The following TMEM94 variants were observed in gnomAD, a reference collection of about 807,000 sequenced individuals.
TMEM94 encodes the protein transmembrane protein 94.
TMEM94 carries 81 observed loss-of-function variants against 158.6 expected under a neutral mutation model. That is an observed-to-expected ratio of 0.51 (90% CI 0.43 to 0.61). The LOEUF (loss-of-function observed/expected upper bound fraction) is 0.61. TMEM94 is among the 20% of genes least tolerant of loss of function. The probability of loss-of-function intolerance (pLI) is 0.00; values close to 1 mark genes in which losing one functional copy is unlikely to be tolerated. For missense variants in TMEM94, 1,435 were observed against 1,762.0 expected (o/e 0.81, Z 3.32); for synonymous variants, 751 against 730.7 (o/e 1.03, Z -0.45).
chr17:75,457,609 T>C (rs1764728775), intron 1 of TMEM94: 1 of 152,370 alleles, frequency 6.6e-6, no homozygotes, highest in East Asian at 1.9e-4. Context: ...GTTTTCCTTC[T>C]GCTATGTGGG....
intron 16 of TMEM94, 104 bp from the exon 17 acceptor site, chr17:75,493,387 C>G: frequency 8.5e-7 from 1 of 1,175,964 alleles, no homozygotes; most frequent in South Asian, 1.3e-5. Context: ...CCTCCTCTGG[C>G]AGGGGCTCCT....
At chr17:75,494,022 A>G in intron 18 of TMEM94, 106 bp downstream of exon 18, 1 of 1,089,320 alleles carries the variant, frequency 9.2e-7, no homozygotes, top group Non-Finnish European at 1.3e-6. Flanking sequence ...CCCCACAGCA[A>G]AGGGGGCAGT....
Position 75,497,778 on chromosome 17 carries a change from C to T in TMEM94, c.3408-3C>T, listed in dbSNP as rs1050953689. ...ATCCCTCTACCTGATCTCTGCTTTT[C>T]AGCATCTCTCTGCTGGGGAAGCCCC... On this transcript the variant is annotated splice_polypyrimidine_tract_variant and splice_region_variant and intron_variant, in intron 26 of 31. Coordinates refer to ENST00000314256, the MANE Select transcript of TMEM94 (RefSeq NM_014738.6). The T allele has an allele frequency of 6.2e-7, 1 of 1,612,642 alleles. No individual in the cohort carries two copies. The highest frequency in any genetic ancestry group is 8.5e-7 in the Non-Finnish European group (1 of 1,178,678).
rs367779080 is a variant in TMEM94 at position 75,498,353 on chromosome 17, C to T, written c.3638+30C>T. 2.7e-5 allele frequency: 43 copies of T among 1,612,476 alleles called. No individual in the cohort carries two copies. In the East Asian group the frequency reaches 2.9e-4, roughly 11 times the overall value. ...GTCCCAGCCCCAGAGATCCACCCAT[C>T]GCCTGCCTCGCCTCGAGGCTTCCTC... On this transcript the variant is annotated intron_variant, in intron 28 of 31. Coordinates refer to ENST00000314256, the MANE Select transcript of TMEM94 (RefSeq NM_014738.6). The surrounding 1 kb of genome is among the most constrained non-coding windows in gnomAD (Gnocchi z 6.7).
chr17:75,489,571 A>G lies in TMEM94; in HGVS notation c.868-5A>G. ...TCAAGGCTGTGCCTCTGCTGTTCCCAACAGGCCGGCTTCCTCATCACCAAT... is the reference window on the plus strand; with the variant it reads ...TCAAGGCTGTGCCTCTGCTGTTCCCGACAGGCCGGCTTCCTCATCACCAAT... On this transcript the variant is annotated splice_region_variant and splice_polypyrimidine_tract_variant and intron_variant, in intron 8 of 31. Coordinates refer to ENST00000314256, the MANE Select transcript of TMEM94 (RefSeq NM_014738.6). This position sits in a 1 kb window ranked among gnomAD's most constrained non-coding sequence, Gnocchi z 5.0. 1 of 1,613,814 alleles carries G rather than the reference A, an allele frequency of 6.2e-7. No homozygotes were observed. The highest frequency in any genetic ancestry group is 8.5e-7 in the Non-Finnish European group (1 of 1,179,812).
chr17:75,464,597 TCTTTCTTTCCTTC>T (rs143838444), intron 1 of TMEM94, among the ~76,000 whole-genome samples: 34,517 of 79,290 alleles, frequency 0.44, 9,147 homozygotes, highest in Non-Finnish European at 0.6. Context: ...TTTCTTTCTT[TCTTTCTTTCCTTC>T]CTTTCTTTCT....
At chr17:75,469,986 T>A (rs1013879935) in intron 1 of TMEM94, among the ~76,000 whole-genome samples, 4 of 151,434 alleles carry the variant, frequency 2.6e-5, no homozygotes, top group Non-Finnish European at 1.5e-5. Context: ...GGCAGGAGAA[T>A]CGCTTGAACC....
At chr17:75,466,820 T>C (rs2050322413) in intron 1 of TMEM94, among the ~76,000 whole-genome samples, 1 of 151,866 alleles carries the variant, frequency 6.6e-6, no homozygotes, top group Non-Finnish European at 1.5e-5. Context: ...AAAAAAAAAT[T>C]GTATTAAATC....
intron 16 of TMEM94, 53 bp downstream of exon 16, chr17:75,493,155 AG>A (rs1394302066): frequency 2.5e-6 from 4 of 1,571,920 alleles, no homozygotes; most frequent in Admixed American, 1.7e-5. Flanking sequence ...AGAGCTTGGC[AG>A]GGGGGCTCTG....
Position 75,485,957 on chromosome 17 carries a change from G to A in TMEM94, c.231G>A (p.Val77=). 1 of 1,602,488 alleles carries A rather than the reference G, an allele frequency of 6.2e-7. No homozygotes were observed. The highest frequency in any genetic ancestry group is 1.3e-5 in the African/African-American group (1 of 74,812). Residue 77 remains valine (V), a synonymous_variant, in exon 4 of 32, where the codon GTG becomes GTA. Transcript: ENST00000314256. The surrounding 1 kb of genome is among the most constrained non-coding windows in gnomAD (Gnocchi z 5.5). ...WPGASLMLLA[V]LLLLGCCGGQ... ...GGGCCTCACTCATGCTACTGGCCGT[G>A]CTGCTGCTGCTGGGCTGCTGCGGGG...
Position 75,489,211 on chromosome 17 carries a change from G to C in TMEM94, c.765-55G>C. 1 of 1,522,830 alleles carries C rather than the reference G, an allele frequency of 6.6e-7. No individual in the cohort carries two copies. The highest frequency in any genetic ancestry group is 9.1e-7 in the Non-Finnish European group (1 of 1,097,560). 94.3% of individuals were successfully genotyped at this position (1,522,830 alleles called of 1,614,324 possible). A position where few individuals can be genotyped will look rare whatever the true frequency, so the allele number is the denominator to read the frequency against. On this transcript the variant is annotated intron_variant, in intron 7 of 31. Transcript: ENST00000314256. This position sits in a 1 kb window ranked among gnomAD's most constrained non-coding sequence, Gnocchi z 5.0. ...CAGAGAGGCCCAGAATCCTCCCAAG[G>C]TGTAGGTTTCTAGCCTCTCTGCCAA...
At chr17:75,490,954 T>G (rs532522680) in intron 11 of TMEM94, 95 bp from the exon 12 acceptor site, 3 of 1,093,238 alleles carry the variant, frequency 2.7e-6, no homozygotes, top group Admixed American at 4.4e-5. Context: ...CCACCCCAAC[T>G]TCGTGGTGCT....
At chr17:75,458,104 T>G (rs181256095) in intron 1 of TMEM94, among the ~76,000 whole-genome samples, 27 of 152,256 alleles carry the variant, frequency 1.8e-4, no homozygotes, top group African/African-American at 5.3e-4. Flanking sequence ...ATTATTTTAG[T>G]GATTCTCAGG....
Position 75,491,436 on chromosome 17 carries a change from G to A in TMEM94, c.1367G>A (p.Arg456His), listed in dbSNP as rs563549767. ...HEDLTDGLST[R>H]SFCHPEPHER... is the part of the protein sequence containing the mutation. ...GACCTCACCGATGGCCTATCCACCC[G>A]CTCCTTCTGCCATCCCGAGGTAGAG... The change falls in exon 13 of 32, where the codon CGC becomes CAC. Residue 456 changes from arginine to histidine, a missense_variant. Physicochemically the swap from Arg to His is conservative, Grantham distance 29 (BLOSUM62 0). Transcript: ENST00000314256. This position sits in a 1 kb window ranked among gnomAD's most constrained non-coding sequence, Gnocchi z 5.1. The A allele has an allele frequency of 3.0e-5, 48 of 1,614,098 alleles. 1 individual carries two copies. Among genetic ancestry groups the A allele is most frequent in the South Asian group, 2.5e-4 (23 of 91,084 alleles).
chr17:75,493,287 C>CG (rs2052381216), intron 16 of TMEM94, 185 bp downstream of exon 16: 2 of 838,914 alleles, frequency 2.4e-6, no homozygotes, highest in Non-Finnish European at 3.7e-6. Context: ...CTGCAGAGGC[C>CG]GGGATTGTCC....
rs2051499456 is a variant in TMEM94 at position 75,485,327 on chromosome 17, A to AG, written c.25-97dup. The AG allele has an allele frequency of 7.4e-7, 1 of 1,353,096 alleles. No homozygotes were observed. The highest frequency in any genetic ancestry group is 1.3e-5 in the South Asian group (1 of 76,994). 83.8% of individuals were successfully genotyped at this position (1,353,096 alleles called of 1,614,324 possible). A position where few individuals can be genotyped will look rare whatever the true frequency, so the allele number is the denominator to read the frequency against. ...GGAAGAGATGTGAGGATCCCAGAGG[A>AG]GGGGAAGGATGAAGGGCCAGGGAAG... is the stretch of plus-strand genomic sequence containing the variant. On this transcript the variant is annotated intron_variant, in intron 2 of 31. Transcript: ENST00000314256. The surrounding 1 kb of genome is among the most constrained non-coding windows in gnomAD (Gnocchi z 5.5).
intron 2 of TMEM94, among the ~76,000 whole-genome samples, chr17:75,483,372 G>A (rs2146496858): frequency 6.6e-6 from 1 of 152,158 alleles, no homozygotes; most frequent in Middle Eastern, 3.4e-3. Context: ...GGTCAAGAAT[G>A]TTCTAGAGGT....
Position 75,496,010 on chromosome 17 carries a change from AC to A in TMEM94, c.2991del (p.Cys998AlafsTer68). On this transcript the variant is annotated frameshift_variant, in exon 23 of 32. Transcript: ENST00000314256. LOFTEE classifies it high-confidence loss of function. Reference sequence around the variant, plus strand: ...GATCATGCAAGAGTACGGGGAGGTGACCTGCTGCCTGGGCAGCTCTGCCAAC... The same window carrying A: ...GATCATGCAAGAGTACGGGGAGGTGACTGCTGCCTGGGCAGCTCTGCCAAC... Reference protein sequence around the residue: ...IKIMQEYGEVTCCLGSSANLR... With the variant: ...IKIMQEYGEVXCCLGSSANLR... 6.2e-7 allele frequency: 1 copy of A among 1,613,476 alleles called. No homozygotes were observed. Among genetic ancestry groups the A allele is most frequent in the Non-Finnish European group, 8.5e-7 (1 of 1,179,964 alleles).
At chr17:75,493,284 G>A in intron 16 of TMEM94, 182 bp downstream of exon 16, 1 of 844,156 alleles carries the variant, frequency 1.2e-6, no homozygotes, top group Non-Finnish European at 1.8e-6. Flanking sequence ...TGGCTGCAGA[G>A]GCCGGGATTG....
Sources: gnomAD v4.1 joint callset for allele counts (sites outside exome capture counted in the v4.1 genomes callset) on GRCh38, gnomAD v4.1.1 for gene constraint, Gnocchi (gnomAD v3.1) non-coding constraint, MANE v1.5 for transcripts, NCBI Gene and HGNC (gene_info 2026-07-23, HGNC 2026-07-21) for gene names.